TMEM40: variants seen among roughly 807,000 people sequenced by gnomAD.
TMEM40 encodes the protein transmembrane protein 40.
TMEM40 carries 34 observed loss-of-function variants against 40.8 expected under a neutral mutation model. That is an observed-to-expected ratio of 0.83 (90% CI 0.63 to 1.11). The LOEUF is 1.11. Ranked by LOEUF, TMEM40 falls within the 50% of genes least tolerant of loss-of-function variation. TMEM40 has a pLI of 0.00. For synonymous variants in TMEM40, 106 were observed against 107.0 expected (o/e 0.99, Z 0.06); for missense variants, 296 against 280.2 (o/e 1.06, Z -0.40).
upstream of TMEM40, among the ~76,000 whole-genome samples, chr3:12,760,373 C>T (rs2061561060): frequency 1.3e-5 from 2 of 152,266 alleles, no homozygotes; most frequent in African/African-American, 2.4e-5. Flanking sequence ...CACCTCTGGC[C>T]CTCTCTGACC....
At chr3:12,766,203 C>T (rs548762724) in intron 1 of TMEM40, among the ~76,000 whole-genome samples, 1 of 151,870 alleles carries the variant, frequency 6.6e-6, no homozygotes, top group Admixed American at 6.6e-5. Flanking sequence ...TGTTCAGATT[C>T]TATGGTGTGG....
chr3:12,756,216 A>G (rs2061525929), intron 1 of TMEM40, among the ~76,000 whole-genome samples: 1 of 152,144 alleles, frequency 6.6e-6, no homozygotes, highest in Admixed American at 6.5e-5. Context: ...AATGAGAAAC[A>G]ATTTGAAAGG....
intron 1 of TMEM40, among the ~76,000 whole-genome samples, chr3:12,769,077 G>T (rs577066306): frequency 6.6e-6 from 1 of 152,222 alleles, no homozygotes; most frequent in Admixed American, 6.5e-5. Flanking sequence ...CATTGCTGGG[G>T]TACCCGGCGC....
chr3:12,749,975 A>G (rs1034907664), intron 1 of TMEM40, 135 bp from the exon 2 acceptor site: 1 of 916,366 alleles, frequency 1.1e-6, no homozygotes, highest in Non-Finnish European at 1.6e-6. Context: ...AACAAAAAAA[A>G]TGGTAGTTCT....
chr3:12,755,231 CTCTCTTTCTTTCTT>C (rs1285068151), intron 1 of TMEM40, among the ~76,000 whole-genome samples: 8 of 98,058 alleles, frequency 8.2e-5, no homozygotes, highest in East Asian at 2.5e-4. Flanking sequence ...CTCTCTCTCT[CTCTCTTTCTTTCTT>C]TCTTTCTTTC....
chr3:12,759,027 T>C (rs979469943), intron 1 of TMEM40, among the ~76,000 whole-genome samples, 164 bp downstream of exon 1: 10 of 152,010 alleles, frequency 6.6e-5, no homozygotes, highest in South Asian at 2.1e-4. Flanking sequence ...TCCCCTGAAG[T>C]AGAGACAGGT....
Position 12,753,031 on chromosome 3 carries a change from G to A in TMEM40, c.-8-3191C>T, listed in dbSNP as rs143611434. 7.9e-5 allele frequency among the ~76,000 whole-genome samples: 12 copies of A among 152,120 alleles called. No individual in the cohort carries two copies. In the East Asian group the frequency reaches 2.3e-3, roughly 30 times the overall value. ...TATATTTAGCTACTGATGGAGCCTTGAGTAATTGTTCCCATAGCCAAGGGA... is the reference window on the plus strand; with the variant it reads ...TATATTTAGCTACTGATGGAGCCTTAAGTAATTGTTCCCATAGCCAAGGGA... On this transcript the variant is annotated intron_variant, in intron 1 of 11. Transcript: ENST00000314124.
intron 1 of TMEM40, among the ~76,000 whole-genome samples, chr3:12,753,931 A>C (rs1451735928): frequency 6.6e-6 from 1 of 152,110 alleles, no homozygotes; most frequent in East Asian, 1.9e-4. Context: ...ACAGCCTCAC[A>C]GCACTCTCCT....
In TMEM40 at chr3:12,768,907, C is replaced by CGGGCCG. The variant is rs1217849165; in HGVS notation, c.-9+338_-9+343dup. On this transcript the variant is annotated intron_variant, in intron 1 of 11. Coordinates refer to the TMEM40 transcript ENST00000264728. ...CATGGCGGGGCGGGGCGGGGCAGGG[C>CGGGCCG]GGGCCGGGGCCGGGGCCGGGGCGGG... is the stretch of plus-strand genomic sequence containing the variant. Among the ~76,000 whole-genome samples the CGGGCCG allele has an allele frequency of 3.1e-3, 82 of 26,550 alleles. 1 individual carries two copies. The Middle Eastern group carries it at 0.13, about 42-fold the overall frequency. The allele number at this position is 26,550 out of a possible 152,430, so 17.4% of individuals were successfully genotyped here.
At chr3:12,759,452 T>C (rs3773333), upstream of TMEM40, 16,387 of 152,540 alleles carry the variant, frequency 0.11, 1,544 homozygotes, top group African/African-American at 0.25. Flanking sequence ...ACATGCCTGG[T>C]CCTGCCTCAG....
chr3:12,759,874 A>T (rs757544328), upstream of TMEM40, among the ~76,000 whole-genome samples: 3 of 152,154 alleles, frequency 2.0e-5, no homozygotes, highest in Non-Finnish European at 4.4e-5. Flanking sequence ...GCAGGGCCCC[A>T]GCTCAGCTTG....
intron 1 of TMEM40, among the ~76,000 whole-genome samples, chr3:12,750,957 A>G (rs1298272734): frequency 6.6e-6 from 1 of 152,112 alleles, no homozygotes; most frequent in African/African-American, 2.4e-5. Flanking sequence ...TAGAGAATCT[A>G]CCACAAGACC....
rs1234001888 is a variant in TMEM40, at chr3:12,755,203, C to CT, written c.-9+3987dup. 8.8e-5 allele frequency among the ~76,000 whole-genome samples: 7 copies of CT among 79,900 alleles called. 2 individuals carry two copies. Among genetic ancestry groups the CT allele is most frequent in the African/African-American group, 4.9e-4 (7 of 14,292 alleles). The allele number at this position is 79,900 out of a possible 152,430, so 52.4% of individuals were successfully genotyped here. A position where few individuals can be genotyped will look rare whatever the true frequency, so the allele number is the denominator to read the frequency against. Reference sequence around the variant, plus strand: ...CTCTCCTTCCTTCCTTCCTTCCTTTCTTTCTTTCTTTCTCTCTCTCTCTCT... The same window carrying CT: ...CTCTCCTTCCTTCCTTCCTTCCTTTCTTTTCTTTCTTTCTCTCTCTCTCTCT... On this transcript the variant is annotated intron_variant, in intron 1 of 11. Coordinates refer to ENST00000314124, the MANE Select transcript of TMEM40 (RefSeq NM_018306.4).
chr3:12,757,723 C>T (rs1424322922), intron 1 of TMEM40, among the ~76,000 whole-genome samples: 2 of 152,190 alleles, frequency 1.3e-5, no homozygotes, highest in African/African-American at 4.8e-5. Context: ...CATGACCCAG[C>T]AATTCCAATC....
At chr3:12,751,344 T>C (rs1452835766) in intron 1 of TMEM40, among the ~76,000 whole-genome samples, 1 of 150,716 alleles carries the variant, frequency 6.6e-6, no homozygotes, top group Non-Finnish European at 1.5e-5. Context: ...TGCAGTGGCA[T>C]GATCTCAGCT....
chr3:12,736,745 C>T lies in TMEM40; in HGVS notation c.544+19G>A. On this transcript the variant is annotated intron_variant, in intron 9 of 11. Transcript: ENST00000314124. ...CCATGCCATCCCCCTTGTGCATTCC[C>T]CAGGGCACCTCCCCTCACCTGCGTA... The T allele has an allele frequency of 1.9e-6, 3 of 1,614,124 alleles. No homozygotes were observed. The highest frequency in any genetic ancestry group is 2.5e-6 in the Non-Finnish European group (3 of 1,180,018).
intron 2 of TMEM40, 31 bp from the exon 3 acceptor site, chr3:12,748,823 C>A (rs115903019): frequency 6.2e-7 from 1 of 1,604,266 alleles, no homozygotes; most frequent in African/African-American, 1.3e-5. Flanking sequence ...AGGGGATGAG[C>A]GTTTCCCACC....
chr3:12,758,051 C>T (rs890699801), intron 1 of TMEM40, among the ~76,000 whole-genome samples: 5 of 149,662 alleles, frequency 3.3e-5, no homozygotes, highest in African/African-American at 1.2e-4. Context: ...TGAATTACAT[C>T]TCAGTAAATC....
chr3:12,762,734 G>A (rs568866992), upstream of TMEM40, among the ~76,000 whole-genome samples: 1 of 152,328 alleles, frequency 6.6e-6, no homozygotes, highest in East Asian at 1.9e-4. Context: ...AGCTGCTACA[G>A]CATCCCCTGG....
Sources: gnomAD v4.1 joint callset for allele counts (sites outside exome capture counted in the v4.1 genomes callset) on GRCh38, gnomAD v4.1.1 for gene constraint, MANE v1.5 for transcripts, NCBI Gene and HGNC (gene_info 2026-07-23, HGNC 2026-07-21) for gene names.